Variants in GALNT13 observed in about 807,000 individuals in gnomAD.
GALNT13 encodes the protein UDP-GalNAc:polypeptide N-acetylgalactosaminyltransferase 13.
A neutral mutation model predicts 64.2 loss-of-function variants in GALNT13; 28 were observed. The ratio of observed to expected loss-of-function variants is 0.44; its 90% CI spans 0.32 to 0.60. The LOEUF is 0.60. Ranked by LOEUF, GALNT13 falls within the 20% of genes least tolerant of loss-of-function variation. GALNT13 has a pLI of 0.05. For synonymous variants in GALNT13, 214 were observed against 224.6 expected (o/e 0.95, Z 0.42); for missense variants, 577 against 669.8 (o/e 0.86, Z 1.53).
chr2:153,512,773 A>G, the GALNT13 span, among the ~76,000 whole-genome samples: 5 of 150,854 alleles, frequency 3.3e-5, no homozygotes, highest in African/African-American at 9.7e-5. Flanking sequence ...AAAGATTATT[A>G]TTGTTGTTAT....
At chr2:153,526,002 A>C in the GALNT13 span, among the ~76,000 whole-genome samples, 1 of 152,234 alleles carries the variant, frequency 6.6e-6, no homozygotes, top group Non-Finnish European at 1.5e-5. Context: ...GAAAGACTGC[A>C]TCTTGTGGCT....
At chr2:153,816,244 A>G in the GALNT13 span, among the ~76,000 whole-genome samples, 1 of 152,160 alleles carries the variant, frequency 6.6e-6, no homozygotes, top group Non-Finnish European at 1.5e-5. Context: ...TGAGGTCATG[A>G]TGTTTGGGCA....
intron 8 of GALNT13, chr2:154,287,202 T>C: frequency 6.8e-7 from 1 of 1,459,950 alleles, no homozygotes; most frequent in South Asian, 1.1e-5. Flanking sequence ...AGGGCCAGAT[T>C]TGTGGTGGAA....
At chr2:153,642,964 G>A in the GALNT13 span, among the ~76,000 whole-genome samples, 1 of 151,398 alleles carries the variant, frequency 6.6e-6, no homozygotes, top group African/African-American at 2.4e-5. Context: ...GATGTATCAA[G>A]ACAATTTAAA....
At chr2:153,914,806 G>A (rs1001128722) in intron 2 of GALNT13, among the ~76,000 whole-genome samples, 2 of 151,668 alleles carry the variant, frequency 1.3e-5, no homozygotes, top group African/African-American at 2.4e-5. Flanking sequence ...AACCCTTTCC[G>A]TCTTCCTTGC....
the GALNT13 span, among the ~76,000 whole-genome samples, chr2:153,603,620 G>T: frequency 6.6e-6 from 1 of 151,876 alleles, no homozygotes; most frequent in African/African-American, 2.4e-5. Context: ...TATAGACTTT[G>T]CTGTGAAAAT....
At chr2:153,941,072 T>C (rs2105377279) in intron 2 of GALNT13, among the ~76,000 whole-genome samples, 1 of 152,334 alleles carries the variant, frequency 6.6e-6, no homozygotes, top group Non-Finnish European at 1.5e-5. Flanking sequence ...AAAATTTTTT[T>C]TGAGATGGAG....
chr2:153,914,912 A>G (rs2105323917), intron 2 of GALNT13, among the ~76,000 whole-genome samples: 1 of 152,098 alleles, frequency 6.6e-6, no homozygotes, highest in East Asian at 1.9e-4. Flanking sequence ...CTGGTGGGGG[A>G]CAGGAGGGTG....
the GALNT13 span, among the ~76,000 whole-genome samples, chr2:153,094,391 C>T: frequency 2.0e-4 from 31 of 152,142 alleles, no homozygotes; most frequent in South Asian, 5.2e-3. Flanking sequence ...TAAAAGAGGA[C>T]ACAAACAAAT....
intron 3 of GALNT13, among the ~76,000 whole-genome samples, chr2:154,108,772 T>C (rs1702768575): frequency 6.6e-6 from 1 of 152,128 alleles, no homozygotes; most frequent in Non-Finnish European, 1.5e-5. Flanking sequence ...TTGTATACAG[T>C]ATTAGGTAAG....
At chr2:154,442,413 G>A (rs1574318039) in intron 12 of GALNT13, among the ~76,000 whole-genome samples, 1 of 151,910 alleles carries the variant, frequency 6.6e-6, no homozygotes. Context: ...AAATAACCAC[G>A]AATTCAATTC....
chr2:153,465,805 A>G, the GALNT13 span, among the ~76,000 whole-genome samples: 1 of 152,048 alleles, frequency 6.6e-6, no homozygotes, highest in African/African-American at 2.4e-5. Context: ...TTTATGATAT[A>G]TATGGCAAAG....
At chr2:153,427,500 G>C in the GALNT13 span, among the ~76,000 whole-genome samples, 3 of 151,926 alleles carry the variant, frequency 2.0e-5, no homozygotes, top group Non-Finnish European at 4.4e-5. Context: ...AAGAAGACAA[G>C]GTCAAAGAAA....
At chr2:154,065,712 A>G (rs1433118405) in intron 3 of GALNT13, among the ~76,000 whole-genome samples, 1 of 152,174 alleles carries the variant, frequency 6.6e-6, no homozygotes, top group East Asian at 1.9e-4. Flanking sequence ...TTAGATCATA[A>G]CACACAAGTC....
intron 3 of GALNT13, among the ~76,000 whole-genome samples, chr2:154,021,495 C>G (rs996125126): frequency 2.6e-5 from 4 of 152,090 alleles, no homozygotes; most frequent in Non-Finnish European, 5.9e-5. Context: ...TGATTTGGCT[C>G]TCTGTTTGTC....
the GALNT13 span, among the ~76,000 whole-genome samples, chr2:153,167,444 G>A: frequency 7.2e-5 from 11 of 152,224 alleles, no homozygotes; most frequent in South Asian, 4.1e-4. Flanking sequence ...TTTGTAAGCC[G>A]TTGAGATTTT....
At chr2:153,736,575 A>G in the GALNT13 span, among the ~76,000 whole-genome samples, 3 of 152,148 alleles carry the variant, frequency 2.0e-5, no homozygotes, top group African/African-American at 7.2e-5. Context: ...GTTCATGTAT[A>G]TTAGCACCCA....
chr2:153,965,164 G>C (rs1693244042), intron 3 of GALNT13, among the ~76,000 whole-genome samples: 1 of 152,130 alleles, frequency 6.6e-6, no homozygotes, highest in Non-Finnish European at 1.5e-5. Flanking sequence ...ATGGAGATAT[G>C]TGTCACCTCA....
chr2:153,528,582 T>G, the GALNT13 span, among the ~76,000 whole-genome samples: 1 of 152,010 alleles, frequency 6.6e-6, no homozygotes, highest in Admixed American at 6.6e-5. Context: ...CTAATAGATA[T>G]TTACAGAACA....
Sources: gnomAD v4.1 joint callset for allele counts (sites outside exome capture counted in the v4.1 genomes callset) on GRCh38, gnomAD v4.1.1 for gene constraint, MANE v1.5 for transcripts, NCBI Gene and HGNC (gene_info 2026-07-23, HGNC 2026-07-21) for gene names.